Variants in RDH13 observed in about 807,000 individuals in gnomAD.
The protein encoded by RDH13 is retinol dehydrogenase 13 (all-trans and 9-cis).
In RDH13, 35 loss-of-function variants were observed where a neutral mutation model predicts 28.3. The observed-to-expected ratio is 1.24, with a 90% CI of 0.95 to 1.64. The LOEUF (loss-of-function observed/expected upper bound fraction) is 1.64, where lower values mean the gene tolerates loss of function less well. Among genes scored for constraint, RDH13 ranks in the 40% most tolerant of loss-of-function variants. RDH13 has a pLI of 0.00. For synonymous variants in RDH13, 229 were observed against 198.5 expected (o/e 1.15, Z -1.29); for missense variants, 514 against 446.3 (o/e 1.15, Z -1.37).
chr19:55,055,384 C>T (rs1048833673), intron 3 of RDH13, among the ~76,000 whole-genome samples: 2 of 151,972 alleles, frequency 1.3e-5, no homozygotes, highest in African/African-American at 4.8e-5. Flanking sequence ...AACTCCTGAC[C>T]TCAAGGGATC....
At chr19:55,041,556 C>T (rs1261151001), downstream of RDH13, 3 of 152,188 alleles carry the variant, frequency 2.0e-5, no homozygotes, top group African/African-American at 7.2e-5. Context: ...ATTCTTAGGG[C>T]CTTCTCTCTT....
chr19:55,058,366 C>T (rs190364988), intron 2 of RDH13, among the ~76,000 whole-genome samples: 138 of 150,008 alleles, frequency 9.2e-4, no homozygotes, highest in African/African-American at 3.2e-3. Context: ...CCAGCCTGGG[C>T]GACAAGAGCA....
At chr19:55,059,942 G>C (rs902064387) in intron 1 of RDH13, among the ~76,000 whole-genome samples, 4 of 152,184 alleles carry the variant, frequency 2.6e-5, no homozygotes, top group African/African-American at 7.2e-5. Context: ...CAGTATACTT[G>C]GTAAAAGTCA....
At chr19:55,050,128 G>A (rs865845399) in intron 3 of RDH13, among the ~76,000 whole-genome samples, 2 of 149,290 alleles carry the variant, frequency 1.3e-5, no homozygotes, top group South Asian at 2.1e-4. Context: ...TTTTTTTTGG[G>A]GGGGGGAGAT....
intron 5 of RDH13, 29 bp downstream of exon 5, chr19:55,048,300 G>T (rs761357807): frequency 1.2e-6 from 2 of 1,613,216 alleles, no homozygotes; most frequent in Non-Finnish European, 1.7e-6. Flanking sequence ...AGTAAAGCAA[G>T]AGGGAGGCCG....
downstream of RDH13, chr19:55,042,388 T>G (rs1176884277): frequency 6.6e-6 from 1 of 152,124 alleles, no homozygotes; most frequent in East Asian, 1.9e-4. Flanking sequence ...GGTGCCCCCT[T>G]GGTTCAAGCA....
intron 2 of RDH13, among the ~76,000 whole-genome samples, chr19:55,057,013 A>G (rs1376935129): frequency 2.0e-5 from 3 of 152,288 alleles, no homozygotes; most frequent in East Asian, 3.9e-4. Context: ...TAGAGATGGA[A>G]TATTAGACGG....
At chr19:55,059,743 A>G (rs546641824) in intron 1 of RDH13, among the ~76,000 whole-genome samples, 55 of 152,232 alleles carry the variant, frequency 3.6e-4, no homozygotes, top group Non-Finnish European at 7.1e-4. Flanking sequence ...AAGGAAAGAC[A>G]TAAGAGACTC....
chr19:55,050,894 A>G (rs189048734), intron 3 of RDH13: 1 of 151,908 alleles, frequency 6.6e-6, no homozygotes, highest in East Asian at 1.9e-4. Flanking sequence ...CACACCCGTC[A>G]TGAATACCAG....
At chr19:55,054,246 C>G (rs977080655) in intron 3 of RDH13, among the ~76,000 whole-genome samples, 1 of 152,142 alleles carries the variant, frequency 6.6e-6, no homozygotes, top group Non-Finnish European at 1.5e-5. Flanking sequence ...GTTTACTGAG[C>G]GGGGCACATT....
upstream of RDH13, among the ~76,000 whole-genome samples, chr19:55,068,101 C>T (rs2075992066): frequency 6.7e-6 from 1 of 148,468 alleles, no homozygotes; most frequent in African/African-American, 2.5e-5. Context: ...TTTCTCCTCT[C>T]ACTCTTCCTG....
rs920139933 is a variant in RDH13 at position 55,063,000 on chromosome 19, C to T, written c.33G>A (p.Leu11=). ...GCACGGCGGCGCCTGCTACCGTGCC[C>T]AGCGCCGACAGCGGCAGCAGGTAGC... is the stretch of plus-strand genomic sequence containing the variant. The part of the protein sequence containing the change: MSRYLLPLSA[L]GTVAGAAVLL... Residue 11 remains leucine (L), a synonymous_variant, in exon 1 of 7, where the codon CTG becomes CTA. Coordinates refer to ENST00000415061, the MANE Select transcript of RDH13 (RefSeq NM_001145971.2). 1 of 1,469,090 alleles carries T rather than the reference C, an allele frequency of 6.8e-7. No individual in the cohort carries two copies. Among genetic ancestry groups the T allele is most frequent in the Non-Finnish European group, 9.0e-7 (1 of 1,112,248 alleles). The allele number at this position is 1,469,090 out of a possible 1,614,324, so 91.0% of individuals were successfully genotyped here. A position where few individuals can be genotyped will look rare whatever the true frequency, so the allele number is the denominator to read the frequency against.
chr19:55,047,718 C>T (rs948127900), intron 5 of RDH13, among the ~76,000 whole-genome samples: 1 of 152,198 alleles, frequency 6.6e-6, no homozygotes, highest in Non-Finnish European at 1.5e-5. Flanking sequence ...AAACCCAGAA[C>T]GCTGAGCTTA....
intron 3 of RDH13, among the ~76,000 whole-genome samples, chr19:55,055,272 C>T (rs2075593972): frequency 6.6e-6 from 1 of 152,010 alleles, no homozygotes; most frequent in Non-Finnish European, 1.5e-5. Context: ...CCTGCCTCAG[C>T]ACCCTGAGTA....
At chr19:55,052,666 T>G (rs1285727246) in intron 3 of RDH13, among the ~76,000 whole-genome samples, 4 of 130,654 alleles carry the variant, frequency 3.1e-5, no homozygotes, top group African/African-American at 1.0e-4. Flanking sequence ...CTCATTGTTT[T>G]TTATTTTTTT....
chr19:55,048,066 A>G, intron 5 of RDH13: 1 of 1,482,748 alleles, frequency 6.7e-7, no homozygotes, highest in Non-Finnish European at 9.0e-7. Flanking sequence ...CAAAAGGCTG[A>G]GCTGCCTGCC....
upstream of RDH13, among the ~76,000 whole-genome samples, chr19:55,066,466 T>TCC (rs1292338407): frequency 4.8e-5 from 5 of 105,222 alleles, no homozygotes; most frequent in Non-Finnish European, 6.5e-5. Flanking sequence ...TCTCTCTTCC[T>TCC]CTCTCTCTTC....
intron 6 of RDH13, 37 bp downstream of exon 6, chr19:55,047,350 G>C (rs1473214197): frequency 1.9e-6 from 3 of 1,598,714 alleles, no homozygotes; most frequent in Admixed American, 1.7e-5. Context: ...GGGGTGGAGG[G>C]CTCCACGTGG....
At chr19:55,054,635 TAC>T (rs2075570617) in intron 3 of RDH13, among the ~76,000 whole-genome samples, 1 of 151,950 alleles carries the variant, frequency 6.6e-6, no homozygotes. Context: ...GTGGCACAAA[TAC>T]GGCTCACTGC....
Sources: allele counts gnomAD v4.1 joint callset (sites outside exome capture counted in the v4.1 genomes callset), GRCh38; gene constraint gnomAD v4.1.1; transcripts MANE v1.5; gene names NCBI Gene and HGNC (gene_info 2026-07-23, HGNC 2026-07-21).